The following PDE5A variants were observed in gnomAD, a reference collection of about 807,000 sequenced individuals.
PDE5A encodes the protein cGMP-specific 3',5'-cyclic phosphodiesterase.
Under a neutral mutation model 110.2 loss-of-function variants are expected in PDE5A, and 67 were observed. That is an observed-to-expected ratio of 0.61 (90% confidence interval 0.50 to 0.75). The LOEUF (loss-of-function observed/expected upper bound fraction) is 0.75, where lower values mean the gene tolerates loss of function less well. Among genes scored for constraint, PDE5A ranks in the 30% least tolerant of loss-of-function variants. PDE5A has a pLI of 0.00. For synonymous variants in PDE5A, 328 were observed against 351.2 expected, an observed-to-expected ratio of 0.93 and a Z score of 0.74; for missense variants, 862 against 1,045.1, an observed-to-expected ratio of 0.82 and a Z score of 2.42.
At chr4:119,504,731 A>C (rs1725498717) in intron 17 of PDE5A, 132 bp from the exon 18 acceptor site, 3 of 548,254 alleles carry the variant, frequency 5.5e-6, no homozygotes, top group South Asian at 5.8e-5. Context: ...AAGACCAAAG[A>C]AAAAGAAACA....
intron 3 of PDE5A, among the ~76,000 whole-genome samples, chr4:119,593,245 A>C (rs895326476): frequency 4.6e-5 from 7 of 152,248 alleles, no homozygotes; most frequent in African/African-American, 1.7e-4. Flanking sequence ...AAGATGTGAA[A>C]GCATAAGTCC....
chr4:119,545,613 G>C (rs1477421244), intron 9 of PDE5A, among the ~76,000 whole-genome samples: 1 of 152,158 alleles, frequency 6.6e-6, no homozygotes, highest in Non-Finnish European at 1.5e-5. Flanking sequence ...ATCACAGTAG[G>C]TCTGAGAGTT....
intron 11 of PDE5A, among the ~76,000 whole-genome samples, chr4:119,528,362 G>C (rs188999643): frequency 6.6e-6 from 1 of 152,218 alleles, no homozygotes; most frequent in African/African-American, 2.4e-5. Flanking sequence ...TTGAGTTAAA[G>C]CAGTAGTGAG....
chr4:119,572,538 C>T (rs1217567279), intron 3 of PDE5A, among the ~76,000 whole-genome samples: 1 of 151,960 alleles, frequency 6.6e-6, no homozygotes, highest in Non-Finnish European at 1.5e-5. Context: ...TAGCCTAAGG[C>T]GACACTGGAA....
chr4:119,564,198 G>A (rs907529917), intron 5 of PDE5A, among the ~76,000 whole-genome samples: 1 of 151,930 alleles, frequency 6.6e-6, no homozygotes, highest in Non-Finnish European at 1.5e-5. Flanking sequence ...AGCTACAAAA[G>A]AGCTAAGAAT....
intron 11 of PDE5A, among the ~76,000 whole-genome samples, chr4:119,538,318 C>A (rs1232718467): frequency 1.3e-5 from 2 of 152,238 alleles, no homozygotes; most frequent in African/African-American, 4.8e-5. Context: ...ACTGTTGTCA[C>A]AACTCACATG....
intron 1 of PDE5A, among the ~76,000 whole-genome samples, chr4:119,615,439 A>G (rs1014974326): frequency 6.6e-6 from 1 of 152,128 alleles, no homozygotes; most frequent in Admixed American, 6.6e-5. Flanking sequence ...AGGTCAGCCA[A>G]GAGAATCAGA....
chr4:119,513,668 T>C (rs1006286408), intron 14 of PDE5A, among the ~76,000 whole-genome samples: 5 of 152,102 alleles, frequency 3.3e-5, no homozygotes, highest in Non-Finnish European at 7.4e-5. Flanking sequence ...TTCAAGTATA[T>C]CCTCTTCAAC....
chr4:119,623,035 T>C (rs1730213929), intron 1 of PDE5A, among the ~76,000 whole-genome samples: 1 of 140,742 alleles, frequency 7.1e-6, no homozygotes, highest in Non-Finnish European at 1.5e-5. Context: ...GCACTTACAT[T>C]GCAAAAAAAA....
intron 7 of PDE5A, among the ~76,000 whole-genome samples, chr4:119,555,635 ATTC>A (rs1375235569): frequency 6.6e-6 from 1 of 152,146 alleles, no homozygotes; most frequent in Non-Finnish European, 1.5e-5. Context: ...AACTATTATT[ATTC>A]TTCATCATCA....
At chr4:119,524,439 G>T (rs1285191637) in intron 12 of PDE5A, among the ~76,000 whole-genome samples, 1 of 152,102 alleles carries the variant, frequency 6.6e-6, no homozygotes, top group Non-Finnish European at 1.5e-5. Flanking sequence ...AGTATTATTA[G>T]GTAAGAGTCT....
At chr4:119,536,440 T>A (rs865863259) in intron 11 of PDE5A, among the ~76,000 whole-genome samples, 1 of 152,146 alleles carries the variant, frequency 6.6e-6, no homozygotes, top group Non-Finnish European at 1.5e-5. Context: ...ACTACATCCT[T>A]CTAGGAAGAA....
chr4:119,567,040 A>C (rs1163518488), intron 4 of PDE5A, 33 bp downstream of exon 4: 6 of 1,476,152 alleles, frequency 4.1e-6, no homozygotes, highest in Non-Finnish European at 5.7e-6. Context: ...GCATCTTCCT[A>C]AATTGGCTCA....
Position 119,519,110 on chromosome 4 carries a change from TG to T in PDE5A, c.1934del (p.Ala645AspfsTer3). On this transcript the variant is annotated frameshift_variant, in exon 14 of 21. Coordinates refer to ENST00000354960, the MANE Select transcript of PDE5A (RefSeq NM_001083.4). LOFTEE classifies it high-confidence loss of function. ...CGTGGCTTAGTGCAGCAATCAGCAA[TG>T]CAAGTATCTCCAGGTCAGTCAGCTT... ...QNKLTDLEIL[A>X]LLIAALSHDL... The T allele has an allele frequency of 6.2e-7, 1 of 1,613,830 alleles. No homozygotes were observed.
chr4:119,539,374 T>C (rs1726844380), intron 10 of PDE5A, among the ~76,000 whole-genome samples: 1 of 152,052 alleles, frequency 6.6e-6, no homozygotes, highest in South Asian at 2.1e-4. Flanking sequence ...ATATTGACTT[T>C]AGCTATTTCT....
chr4:119,619,840 A>C (rs2110563368), intron 1 of PDE5A, among the ~76,000 whole-genome samples: 2 of 152,340 alleles, frequency 1.3e-5, no homozygotes, highest in South Asian at 4.1e-4. Context: ...ATGCACCTAA[A>C]GTCTTCCTCT....
At chr4:119,622,863 C>CG (rs1455960438) in intron 1 of PDE5A, among the ~76,000 whole-genome samples, 18 of 22,640 alleles carry the variant, frequency 8.0e-4, no homozygotes, top group Middle Eastern at 0.033. Flanking sequence ...TACTCCGTCT[C>CG]GAAAAAAAAA....
chr4:119,534,641 G>A (rs142336088), intron 11 of PDE5A, among the ~76,000 whole-genome samples: 160 of 152,156 alleles, frequency 1.1e-3, no homozygotes, highest in Middle Eastern at 6.8e-3. Context: ...CAAGATAGTC[G>A]GGCCAATACT....
chr4:119,525,523 T>C lies in PDE5A; in HGVS notation c.1779+26A>G. On this transcript the variant is annotated intron_variant, in intron 12 of 20. Transcript: ENST00000354960. The surrounding 1 kb of genome is among the most constrained non-coding windows in gnomAD (Gnocchi z 4.3). ...ACACACACACATACACATAGACTTT[T>C]CCAAAGGATGTTGCTGCATTCCTAC... is the stretch of plus-strand genomic sequence containing the variant. 1 of 1,608,432 alleles carries C rather than the reference T, an allele frequency of 6.2e-7. No homozygotes were observed. Among genetic ancestry groups the C allele is most frequent in the Non-Finnish European group, 8.5e-7 (1 of 1,176,304 alleles).
Sources: gnomAD v4.1 joint callset for allele counts (sites outside exome capture counted in the v4.1 genomes callset) on GRCh38, gnomAD v4.1.1 for gene constraint, Gnocchi (gnomAD v3.1) non-coding constraint, MANE v1.5 for transcripts, NCBI Gene and HGNC (gene_info 2026-07-23, HGNC 2026-07-21) for gene names.